The following SLIT3 variants were observed in gnomAD, a reference collection of about 807,000 sequenced individuals.
SLIT3 encodes slit homolog 3 protein.
Under a neutral mutation model 184.0 loss-of-function variants are expected in SLIT3, and 68 were observed. The ratio of observed to expected loss-of-function variants is 0.37; its 90% CI spans 0.30 to 0.45. SLIT3 has a LOEUF of 0.45. Ranked by LOEUF, SLIT3 falls within the 20% of genes least tolerant of loss-of-function variation. The pLI is 1.00. For missense variants in SLIT3, 1,707 were observed against 2,026.0 expected (o/e 0.84, Z 3.02); for synonymous variants, 831 against 828.6 (o/e 1.00, Z -0.05).
In SLIT3 at chr5:168,948,242, A is replaced by G. The variant is rs182166529; in HGVS notation, c.414-64906T>C. Among the ~76,000 whole-genome samples the G allele has an allele frequency of 4.6e-5, 7 of 152,312 alleles. No homozygotes were observed. In the East Asian group the frequency reaches 1.4e-3, roughly 29 times the overall value. ...GGGCCTGATGCACTGCCTGGCACAC[A>G]GTGGGTGCTTGCCCACTATTAATAG... On this transcript the variant is annotated intron_variant, in intron 4 of 35. Coordinates refer to ENST00000519560, the MANE Select transcript of SLIT3 (RefSeq NM_003062.4).
intron 14 of SLIT3, among the ~76,000 whole-genome samples, chr5:168,767,211 C>T (rs182373007): frequency 2.2e-4 from 34 of 152,250 alleles, no homozygotes; most frequent in African/African-American, 7.9e-4. Flanking sequence ...GAGGGGTAAC[C>T]TCAGATAGAC....
At chr5:168,681,713 T>C (rs1027152580) in intron 32 of SLIT3, among the ~76,000 whole-genome samples, 14 of 152,168 alleles carry the variant, frequency 9.2e-5, no homozygotes, top group Non-Finnish European at 1.9e-4. Flanking sequence ...ACACCAGCCT[T>C]CTACCAAATC....
intron 4 of SLIT3, among the ~76,000 whole-genome samples, chr5:169,143,933 T>C (rs1209122003): frequency 6.6e-6 from 1 of 152,002 alleles, no homozygotes; most frequent in Non-Finnish European, 1.5e-5. Context: ...GGAGAGAAAA[T>C]ACAGAAATAT....
chr5:168,750,558 A>C lies in SLIT3; in HGVS notation c.1974-923T>G, dbSNP rs187616640. On this transcript the variant is annotated intron_variant, in intron 18 of 35. Transcript: ENST00000519560. Reference sequence around the variant, plus strand: ...ACTCAGTAGCTGTGTGAAGCGGGGCAAGTTACTTCATGGGTCAGAGCTGGT... The same window carrying C: ...ACTCAGTAGCTGTGTGAAGCGGGGCCAGTTACTTCATGGGTCAGAGCTGGT... Among the ~76,000 whole-genome samples the C allele has an allele frequency of 2.3e-4, 35 of 152,182 alleles. No individual in the cohort carries two copies. In the East Asian group the frequency reaches 6.0e-3, roughly 26 times the overall value.
intron 16 of SLIT3, among the ~76,000 whole-genome samples, chr5:168,755,866 T>G (rs1219583040): frequency 1.3e-5 from 2 of 152,186 alleles, no homozygotes; most frequent in African/African-American, 4.8e-5. Context: ...CCATTAGCAC[T>G]GCGAGTTAGC....
At chr5:168,754,778 C>G (rs1754837700) in intron 16 of SLIT3, among the ~76,000 whole-genome samples, 1 of 152,034 alleles carries the variant, frequency 6.6e-6, no homozygotes, top group African/African-American at 2.4e-5. Flanking sequence ...AAAAAACAGG[C>G]TGGATGGGAT....
intron 4 of SLIT3, among the ~76,000 whole-genome samples, chr5:168,991,132 C>A (rs1755310849): frequency 6.6e-6 from 1 of 152,178 alleles, no homozygotes; most frequent in South Asian, 2.1e-4. Flanking sequence ...TGCTTCCCAT[C>A]AAGAATATCT....
At chr5:168,795,799 G>A (rs1304829027) in intron 9 of SLIT3, among the ~76,000 whole-genome samples, 5 of 152,088 alleles carry the variant, frequency 3.3e-5, no homozygotes, top group Admixed American at 1.3e-4. Context: ...TGGAGAAAGA[G>A]GGAAAGGATG....
chr5:168,682,458 T>C (rs1761620390), intron 32 of SLIT3, among the ~76,000 whole-genome samples: 1 of 152,188 alleles, frequency 6.6e-6, no homozygotes, highest in East Asian at 1.9e-4. Context: ...CCCTAGGGTT[T>C]TGGATTCAGT....
intron 3 of SLIT3, among the ~76,000 whole-genome samples, chr5:169,220,662 T>G (rs1018889431): frequency 6.6e-6 from 1 of 152,256 alleles, no homozygotes; most frequent in African/African-American, 2.4e-5. Context: ...TCTTTTATAT[T>G]ATCTTCTAAT....
At chr5:168,728,625 AT>A (rs1219331838) in intron 20 of SLIT3, among the ~76,000 whole-genome samples, 1 of 152,176 alleles carries the variant, frequency 6.6e-6, no homozygotes, top group African/African-American at 2.4e-5. Flanking sequence ...CTTAAAAAAA[AT>A]AAAAAAGCCA....
At position 168,777,458 on chromosome 5, in the gene SLIT3, G is replaced by A. The variant is rs77104370; in HGVS notation, c.1152-3080C>T. ...TGCCTTCATAAAAACTAAATGCCAC[G>A]CTGGCAATCCTTCTCACTCATCAGG... On this transcript the variant is annotated intron_variant, in intron 12 of 35. Coordinates refer to ENST00000519560, the MANE Select transcript of SLIT3 (RefSeq NM_003062.4). 5.1e-3 allele frequency among the ~76,000 whole-genome samples: 776 copies of A among 152,264 alleles called. 2 individuals are homozygous for A. Among genetic ancestry groups the A allele is most frequent in the Non-Finnish European group, 8.8e-3 (598 of 68,022 alleles).
intron 4 of SLIT3, among the ~76,000 whole-genome samples, chr5:168,984,424 C>A (rs146536337): frequency 1.3e-5 from 2 of 152,270 alleles, no homozygotes; most frequent in South Asian, 2.1e-4. Context: ...AATTAAGTCA[C>A]CTGGCATGCT....
chr5:169,067,704 T>C (rs1245574547), intron 4 of SLIT3, among the ~76,000 whole-genome samples: 3 of 151,200 alleles, frequency 2.0e-5, no homozygotes, highest in Non-Finnish European at 4.4e-5. Context: ...ATCAGAGGAG[T>C]GAAATGGAGG....
chr5:169,094,367 G>A (rs1241478704), intron 4 of SLIT3, among the ~76,000 whole-genome samples: 1 of 152,202 alleles, frequency 6.6e-6, no homozygotes, highest in Non-Finnish European at 1.5e-5. Flanking sequence ...GTTGGCTCAC[G>A]CCTGTAATCC....
chr5:169,110,491 C>G (rs965733025), intron 4 of SLIT3, among the ~76,000 whole-genome samples: 1 of 152,064 alleles, frequency 6.6e-6, no homozygotes, highest in African/African-American at 2.4e-5. Context: ...TGTTCGTTGT[C>G]TTGTAGAAGG....
chr5:169,204,528 T>C (rs1764004181), intron 3 of SLIT3, among the ~76,000 whole-genome samples: 3 of 152,126 alleles, frequency 2.0e-5, no homozygotes, highest in African/African-American at 7.2e-5. Context: ...GCGAGGCACA[T>C]TGATGATTCA....
At chr5:169,132,648 CA>C (rs1761348953) in intron 4 of SLIT3, among the ~76,000 whole-genome samples, 1 of 152,126 alleles carries the variant, frequency 6.6e-6, no homozygotes, top group Admixed American at 6.5e-5. Flanking sequence ...CAGGACTTCT[CA>C]AAAAGCATGT....
intron 14 of SLIT3, 150 bp from the exon 15 acceptor site, chr5:168,762,839 T>C: frequency 1.4e-6 from 1 of 732,042 alleles, no homozygotes. Flanking sequence ...CTTTGCTATA[T>C]GGCCACCTTG....
Sources: allele counts gnomAD v4.1 joint callset (sites outside exome capture counted in the v4.1 genomes callset), GRCh38; gene constraint gnomAD v4.1.1; transcripts MANE v1.5; gene names NCBI Gene and HGNC (gene_info 2026-07-23, HGNC 2026-07-21).